DDX50: variants seen among roughly 807,000 people sequenced by gnomAD.
DDX50 encodes the protein ATP-dependent RNA helicase DDX50.
DDX50 carries 56 observed loss-of-function variants against 94.8 expected under a neutral mutation model. The observed-to-expected ratio is 0.59, with a 90% CI of 0.48 to 0.74. The LOEUF is 0.74. DDX50 is among the 30% of genes least tolerant of loss of function. The probability of loss-of-function intolerance (pLI) is 0.00; values close to 1 mark genes in which losing one functional copy is unlikely to be tolerated. For synonymous variants in DDX50, 264 were observed against 295.4 expected, an observed-to-expected ratio of 0.89 and a Z score of 1.09; for missense variants, 713 against 881.2, an observed-to-expected ratio of 0.81 and a Z score of 2.42.
At chr10:68,923,655 T>C (rs1842001151) in intron 8 of DDX50, among the ~76,000 whole-genome samples, 1 of 151,906 alleles carries the variant, frequency 6.6e-6, no homozygotes, top group South Asian at 2.1e-4. Context: ...GCGATTCTTA[T>C]GGGTCAGCCT....
chr10:68,910,376 C>T lies in DDX50; in HGVS notation c.454C>T (p.Leu152=). The T allele has an allele frequency of 6.2e-7, 1 of 1,600,102 alleles. No homozygotes were observed. The highest frequency in any genetic ancestry group is 8.5e-7 in the Non-Finnish European group (1 of 1,176,056). The change falls in exon 3 of 15, where the codon CTG becomes TTG. Residue 152 remains leucine (L), a synonymous_variant. Transcript: ENST00000373585. ...FPISEETIKL[L]KGRGVTYLFP... ...TATTTCTGAAGAGACTATAAAGCTTCTGAAAGGTATGCAGTTTGGTTGTTG... is the reference window on the plus strand; with the variant it reads ...TATTTCTGAAGAGACTATAAAGCTTTTGAAAGGTATGCAGTTTGGTTGTTG...
intron 3 of DDX50, among the ~76,000 whole-genome samples, chr10:68,910,667 C>T (rs752959432): frequency 5.9e-5 from 9 of 152,184 alleles, no homozygotes; most frequent in Non-Finnish European, 1.2e-4. Flanking sequence ...TACCAAAGTG[C>T]TGGGATTACA....
chr10:68,914,265 G>C (rs757629026), intron 7 of DDX50, 61 bp downstream of exon 7: 2 of 1,583,976 alleles, frequency 1.3e-6, no homozygotes, highest in South Asian at 2.3e-5. Flanking sequence ...TTTGACATTT[G>C]TTGAAGCTAA....
At chr10:68,946,014 TTTAGAATG>T (rs142237542) in intron 14 of DDX50, among the ~76,000 whole-genome samples, 1,957 of 151,954 alleles carry the variant, frequency 0.013, 57 homozygotes, top group African/African-American at 0.045. Context: ...ATAGAATATA[TTTAGAATG>T]TTAGTATTAG....
At chr10:68,933,595 TAA>T (rs1842328172) in intron 8 of DDX50, among the ~76,000 whole-genome samples, 1 of 151,822 alleles carries the variant, frequency 6.6e-6, no homozygotes, top group African/African-American at 2.4e-5. Context: ...AATAAATACA[TAA>T]AGTCATAGTA....
At chr10:68,906,518 A>T (rs1841448795) in intron 1 of DDX50, among the ~76,000 whole-genome samples, 193 bp from the exon 2 acceptor site, 1 of 131,120 alleles carries the variant, frequency 7.6e-6, no homozygotes, top group Non-Finnish European at 1.6e-5. Context: ...GAATGCTAGG[A>T]AGGGGATGAG....
chr10:68,939,924 T>C (rs1385328537), intron 12 of DDX50, among the ~76,000 whole-genome samples: 1 of 140,608 alleles, frequency 7.1e-6, no homozygotes, highest in Non-Finnish European at 1.5e-5. Flanking sequence ...AAAGGACTAC[T>C]TACTGCTGAA....
At chr10:68,929,288 CCTTCCTCTCTCT>C (rs1842174672) in intron 8 of DDX50, among the ~76,000 whole-genome samples, 1 of 78,588 alleles carries the variant, frequency 1.3e-5, no homozygotes, top group South Asian at 3.5e-4. Context: ...TTCCTTCCTT[CCTTCCTCTCTCT>C]CTCTCTCTCT....
At chr10:68,941,215 A>G (rs761478782) in intron 13 of DDX50, 21 bp downstream of exon 13, 8 of 1,601,456 alleles carry the variant, frequency 5.0e-6, no homozygotes, top group Non-Finnish European at 5.9e-6. Flanking sequence ...CCAGACAATT[A>G]AAAAGCTTTT....
intron 14 of DDX50, among the ~76,000 whole-genome samples, chr10:68,945,138 C>G (rs1024303876): frequency 6.6e-6 from 1 of 152,038 alleles, no homozygotes; most frequent in Non-Finnish European, 1.5e-5. Flanking sequence ...ATGTTTATCT[C>G]TTTAAGATGA....
chr10:68,934,711 A>T lies in DDX50; in HGVS notation c.1402-88A>T. 7.4e-7 allele frequency: 1 copy of T among 1,356,100 alleles called. No homozygotes were observed. The highest frequency in any genetic ancestry group is 2.7e-5 in the East Asian group (1 of 37,730). The allele number at this position is 1,356,100 out of a possible 1,614,324, so 84.0% of individuals were successfully genotyped here. A position where few individuals can be genotyped will look rare whatever the true frequency, so the allele number is the denominator to read the frequency against. ...GAAAAGGGCAACAGGATTGAAATAAATATATTATTATTAACATTATTATTT... is the reference window on the plus strand; with the variant it reads ...GAAAAGGGCAACAGGATTGAAATAATTATATTATTATTAACATTATTATTT... On this transcript the variant is annotated intron_variant, in intron 9 of 14. Transcript: ENST00000373585. This position sits in a 1 kb window ranked among gnomAD's most constrained non-coding sequence, Gnocchi z 4.0.
At chr10:68,933,066 TG>T (rs777418470) in intron 8 of DDX50, among the ~76,000 whole-genome samples, 56 of 149,446 alleles carry the variant, frequency 3.7e-4, no homozygotes, top group Admixed American at 8.0e-4. Context: ...ATTGTTTGTT[TG>T]TTTGTTTTTT....
At chr10:68,901,544 G>C (rs1298818233) in intron 1 of DDX50, 73 bp downstream of exon 1, 2 of 1,457,400 alleles carry the variant, frequency 1.4e-6, no homozygotes, top group South Asian at 1.3e-5. Flanking sequence ...GTCTGTCCCT[G>C]ATGATGGCCT....
chr10:68,943,582 G>A (rs187047238), intron 14 of DDX50, among the ~76,000 whole-genome samples: 5 of 151,928 alleles, frequency 3.3e-5, no homozygotes, highest in African/African-American at 7.2e-5. Context: ...CACCATGCCC[G>A]GATAATTTTT....
At chr10:68,933,301 C>T (rs570902476) in intron 8 of DDX50, among the ~76,000 whole-genome samples, 1 of 152,104 alleles carries the variant, frequency 6.6e-6, no homozygotes, top group Admixed American at 6.5e-5. Flanking sequence ...AACTCCTGAC[C>T]TCGGGTGATC....
At chr10:68,925,262 C>A (rs1359665246) in intron 8 of DDX50, among the ~76,000 whole-genome samples, 2 of 151,044 alleles carry the variant, frequency 1.3e-5, no homozygotes, top group Non-Finnish European at 3.0e-5. Context: ...CGCCACCATG[C>A]CCAACTAATT....
chr10:68,942,799 A>G (rs1160392211), intron 13 of DDX50, among the ~76,000 whole-genome samples: 1 of 151,786 alleles, frequency 6.6e-6, no homozygotes, highest in Non-Finnish European at 1.5e-5. Context: ...TTTTTTTTGT[A>G]GAGATGGAGT....
chr10:68,910,936 A>G, intron 3 of DDX50, 132 bp from the exon 4 acceptor site: 2 of 592,216 alleles, frequency 3.4e-6, no homozygotes, highest in Non-Finnish European at 5.4e-6. Context: ...TGTTTGTGGT[A>G]GGAATAACTG....
At chr10:68,906,292 T>G (rs924269481) in intron 1 of DDX50, 1 of 156,042 alleles carries the variant, frequency 6.4e-6, no homozygotes, top group African/African-American at 2.4e-5. Context: ...AGGGTTGTTA[T>G]GAAGATTTAA....
Sources: gnomAD v4.1 joint callset for allele counts (sites outside exome capture counted in the v4.1 genomes callset) on GRCh38, gnomAD v4.1.1 for gene constraint, Gnocchi (gnomAD v3.1) non-coding constraint, MANE v1.5 for transcripts, NCBI Gene and HGNC (gene_info 2026-07-23, HGNC 2026-07-21) for gene names.